Variants in ARL15 observed in about 807,000 individuals in gnomAD.
ARL15 encodes ADP-ribosylation factor-like protein 15.
A neutral mutation model predicts 25.2 loss-of-function variants in ARL15; 19 were observed. The observed-to-expected ratio is 0.75, with a 90% confidence interval of 0.53 to 1.10. The LOEUF (loss-of-function observed/expected upper bound fraction) is 1.10. Among genes scored for constraint, ARL15 ranks in the 50% least tolerant of loss-of-function variants. The pLI is 0.00. For synonymous variants in ARL15, 94 were observed against 86.8 expected (o/e 1.08, Z -0.46); for missense variants, 220 against 246.0 (o/e 0.89, Z 0.71).
chr5:54,151,086 T>C (rs1254684716), intron 3 of ARL15, among the ~76,000 whole-genome samples: 1 of 152,048 alleles, frequency 6.6e-6, no homozygotes, highest in East Asian at 1.9e-4. Flanking sequence ...TGTGAGATAA[T>C]AATAGCATCT....
intron 4 of ARL15, among the ~76,000 whole-genome samples, chr5:54,054,781 C>G (rs1026862257): frequency 6.6e-6 from 1 of 151,942 alleles, no homozygotes; most frequent in Non-Finnish European, 1.5e-5. Context: ...CAGAGAGAGA[C>G]TCCGTCTCAA....
In ARL15 at chr5:54,269,176, A is replaced by C. The variant is rs566532094; in HGVS notation, c.48+41256T>G. 2.4e-3 allele frequency among the ~76,000 whole-genome samples: 362 copies of C among 152,160 alleles called. 1 individual carries two copies. The highest frequency in any genetic ancestry group is 5.4e-3 in the Admixed American group (82 of 15,284). ...GCATGGCACATGTATACATATGTAA[A>C]TAACCTGCACATTGTGCACATGTAC... On this transcript the variant is annotated intron_variant, in intron 1 of 4. Coordinates refer to ENST00000504924, the MANE Select transcript of ARL15 (RefSeq NM_019087.3).
intron 4 of ARL15, among the ~76,000 whole-genome samples, chr5:54,070,706 G>C (rs918214962): frequency 6.6e-6 from 1 of 151,776 alleles, no homozygotes; most frequent in Non-Finnish European, 1.5e-5. Context: ...TTGGCTGAGT[G>C]TGGTGGCGAG....
Position 54,149,224 on chromosome 5 carries a change from GA to G in ARL15, c.253+5355del, listed in dbSNP as rs558500930. Among the ~76,000 whole-genome samples the G allele has an allele frequency of 9.8e-5, 15 of 152,316 alleles. No homozygotes were observed. In the South Asian group the frequency reaches 3.1e-3, roughly 32 times the overall value. ...TTCAGGTGAAATGTGAAAACAGAAG[GA>G]AAGGTGATGAGGTGGAGCAGGACAA... On this transcript the variant is annotated intron_variant, in intron 3 of 4. Coordinates refer to ENST00000504924, the MANE Select transcript of ARL15 (RefSeq NM_019087.3).
At chr5:53,971,090 A>T (rs1337392163) in intron 4 of ARL15, among the ~76,000 whole-genome samples, 1 of 151,624 alleles carries the variant, frequency 6.6e-6, no homozygotes, top group African/African-American at 2.4e-5. Flanking sequence ...GCTGGCATTT[A>T]AAAAAAAATT....
chr5:53,967,137 T>C (rs1351041998), intron 4 of ARL15, among the ~76,000 whole-genome samples: 1 of 152,216 alleles, frequency 6.6e-6, no homozygotes. Context: ...TGCAATAATA[T>C]AGACAAATGT....
intron 4 of ARL15, among the ~76,000 whole-genome samples, chr5:54,053,561 C>T (rs1750766067): frequency 6.6e-6 from 1 of 152,122 alleles, no homozygotes; most frequent in East Asian, 1.9e-4. Context: ...AACACTACCT[C>T]AAGCAGGTGA....
At chr5:54,081,803 GAA>G (rs1393559177) in intron 4 of ARL15, among the ~76,000 whole-genome samples, 3 of 152,020 alleles carry the variant, frequency 2.0e-5, no homozygotes, top group Non-Finnish European at 4.4e-5. Flanking sequence ...ATAGCAGTAT[GAA>G]AACAGGCTAG....
chr5:54,051,658 A>T (rs2111989389), intron 4 of ARL15, among the ~76,000 whole-genome samples: 1 of 152,360 alleles, frequency 6.6e-6, no homozygotes, highest in Middle Eastern at 3.4e-3. Context: ...AATTCAAAAC[A>T]GTACCACCAA....
chr5:53,931,428 C>T (rs546546722), intron 4 of ARL15, among the ~76,000 whole-genome samples: 1 of 152,332 alleles, frequency 6.6e-6, no homozygotes, highest in Non-Finnish European at 1.5e-5. Flanking sequence ...TTAATCCCAT[C>T]AAGGTAGATG....
chr5:53,979,150 G>A (rs1321436069), intron 4 of ARL15, among the ~76,000 whole-genome samples: 3 of 152,138 alleles, frequency 2.0e-5, no homozygotes, highest in Admixed American at 1.3e-4. Context: ...TCTGTCAACA[G>A]GGGAAGCAAA....
Position 54,113,234 on chromosome 5 carries a change from G to T in ARL15, c.430C>A (p.Gln144Lys), listed in dbSNP as rs77393256. ...ACTGAGCGAGCTGCTGGCTTGTCTT[G>T]ATGATTGGCCAATATTAAAAAGGGT... ...TLPFLILANH[Q>K]DKPAARSVQE... The change falls in exon 4 of 5, where the codon CAA becomes AAA. Residue 144 changes from glutamine (Q) to lysine (K), a missense_variant. Transcript: ENST00000504924. 1.2e-6 allele frequency: 2 copies of T among 1,613,748 alleles called. No homozygotes were observed. The highest frequency in any genetic ancestry group is 3.3e-5 in the Admixed American group (2 of 60,030).
chr5:54,164,000 T>C (rs1408342223), intron 2 of ARL15, among the ~76,000 whole-genome samples: 2 of 150,890 alleles, frequency 1.3e-5, no homozygotes, highest in Non-Finnish European at 3.0e-5. Flanking sequence ...AGGCCCTTCT[T>C]TTCTGAATAG....
chr5:53,922,346 G>A (rs1336847461), intron 4 of ARL15, among the ~76,000 whole-genome samples: 3 of 152,174 alleles, frequency 2.0e-5, no homozygotes, highest in Non-Finnish European at 4.4e-5. Context: ...GAATCCAATA[G>A]TTCACCGTAA....
intron 1 of ARL15, among the ~76,000 whole-genome samples, chr5:54,240,855 T>A (rs1354947903): frequency 6.6e-6 from 1 of 152,144 alleles, no homozygotes; most frequent in Non-Finnish European, 1.5e-5. Flanking sequence ...TCATTGAAGG[T>A]TTTGGGATTT....
intron 1 of ARL15, among the ~76,000 whole-genome samples, chr5:54,274,558 G>A (rs1046548425): frequency 6.6e-6 from 1 of 152,140 alleles, no homozygotes; most frequent in Non-Finnish European, 1.5e-5. Flanking sequence ...CTAGCCAGAT[G>A]TTCTCACTCT....
chr5:54,258,709 GGGAA>G (rs1757427369), intron 1 of ARL15, among the ~76,000 whole-genome samples: 5 of 152,260 alleles, frequency 3.3e-5, no homozygotes, highest in African/African-American at 1.2e-4. Context: ...AGATCAGAAG[GGGAA>G]TGGAAGGAGA....
Position 53,886,704 on chromosome 5 carries a change from A to C in ARL15, c.472T>G (p.Tyr158Asp). 6.4e-7 allele frequency: 1 copy of C among 1,552,698 alleles called. No individual in the cohort carries two copies. Among genetic ancestry groups the C allele is most frequent in the Non-Finnish European group, 8.7e-7 (1 of 1,150,344 alleles). ...AARSVQEIKK[Y>D]FELEPLARGK... is the part of the protein sequence containing the mutation. ...CGTGCAAGTGGTTCAAGTTCAAAAT[A>C]TTTTTTGATCTTAAGAGGAAAAAAT... The change falls in exon 5 of 5, where the codon TAT (tyrosine) becomes GAT (aspartate). Residue 158 changes from tyrosine (Y) to aspartate (D), a missense_variant. Transcript: ENST00000504924.
chr5:54,237,415 G>A (rs1167933150), intron 1 of ARL15, among the ~76,000 whole-genome samples: 1 of 152,110 alleles, frequency 6.6e-6, no homozygotes, highest in Non-Finnish European at 1.5e-5. Context: ...CCTATTGGTA[G>A]AGAAGTACCC....
Sources: gnomAD v4.1 joint callset for allele counts (sites outside exome capture counted in the v4.1 genomes callset) on GRCh38, gnomAD v4.1.1 for gene constraint, MANE v1.5 for transcripts, NCBI Gene and HGNC (gene_info 2026-07-23, HGNC 2026-07-21) for gene names.